LRP1B: variants seen among roughly 807,000 people sequenced by gnomAD.
LRP1B encodes LDL receptor related protein 1B, also known as low-density lipoprotein receptor-related protein 1B.
Under a neutral mutation model 556.6 loss-of-function variants are expected in LRP1B, and 217 were observed. The observed-to-expected ratio is 0.39, with a 90% CI of 0.35 to 0.44. LRP1B has a LOEUF of 0.44. Ranked by LOEUF, LRP1B falls within the 20% of genes least tolerant of loss-of-function variation. LRP1B has a pLI of 1.00. For synonymous variants in LRP1B, 2,047 were observed against 1,865.8 expected, an observed-to-expected ratio of 1.10 and a Z score of -2.50; for missense variants, 5,053 against 5,620.8, an observed-to-expected ratio of 0.90 and a Z score of 3.23.
At chr2:140,768,052 T>C (rs1455809287) in intron 35 of LRP1B, among the ~76,000 whole-genome samples, 1 of 151,958 alleles carries the variant, frequency 6.6e-6, no homozygotes, top group East Asian at 1.9e-4. Context: ...CACTGAGATT[T>C]TGGCAAAATT....
At chr2:142,110,255 G>A (rs1417066580) in intron 1 of LRP1B, among the ~76,000 whole-genome samples, 2 of 151,970 alleles carry the variant, frequency 1.3e-5, no homozygotes, top group Non-Finnish European at 2.9e-5. Flanking sequence ...CTCCATACCT[G>A]TTTATTTATA....
intron 60 of LRP1B, among the ~76,000 whole-genome samples, chr2:140,474,280 T>C (rs774812860): frequency 6.6e-6 from 1 of 152,036 alleles, no homozygotes; most frequent in East Asian, 1.9e-4. Flanking sequence ...TGGCAGAGTA[T>C]TACTCGATGA....
intron 87 of LRP1B, among the ~76,000 whole-genome samples, chr2:140,243,604 A>G (rs988222679): frequency 6.6e-6 from 1 of 151,166 alleles, no homozygotes; most frequent in African/African-American, 2.4e-5. Flanking sequence ...GCATTTTGGT[A>G]CATTGTAATG....
At chr2:142,074,862 A>T (rs1327455586) in intron 1 of LRP1B, among the ~76,000 whole-genome samples, 4 of 152,098 alleles carry the variant, frequency 2.6e-5, no homozygotes, top group Non-Finnish European at 5.9e-5. Flanking sequence ...AGACCATGGA[A>T]ATGACCTTCT....
At chr2:142,104,851 T>C (rs1260610371) in intron 1 of LRP1B, among the ~76,000 whole-genome samples, 1 of 152,200 alleles carries the variant, frequency 6.6e-6, no homozygotes, top group African/African-American at 2.4e-5. Flanking sequence ...ATATTGTCTT[T>C]ACCTATCAGA....
intron 43 of LRP1B, among the ~76,000 whole-genome samples, chr2:140,560,336 C>G (rs927782339): frequency 6.6e-6 from 1 of 152,088 alleles, no homozygotes; most frequent in African/African-American, 2.4e-5. Context: ...TTTATTAATA[C>G]AGTTGCAGAA....
At chr2:141,122,684 C>A (rs1305142654) in intron 7 of LRP1B, among the ~76,000 whole-genome samples, 8 of 152,150 alleles carry the variant, frequency 5.3e-5, no homozygotes, top group African/African-American at 1.9e-4. Context: ...TTGTGGAAGA[C>A]AGTGTGGCGA....
At chr2:140,829,829 A>G (rs1171430402) in intron 31 of LRP1B, among the ~76,000 whole-genome samples, 2 of 152,018 alleles carry the variant, frequency 1.3e-5, no homozygotes, top group African/African-American at 4.8e-5. Flanking sequence ...TAAATGACAT[A>G]AAAAGCTATT....
chr2:142,037,794 C>T (rs944030316), intron 1 of LRP1B, among the ~76,000 whole-genome samples: 8 of 151,000 alleles, frequency 5.3e-5, no homozygotes, highest in African/African-American at 7.2e-5. Flanking sequence ...TACATTATTA[C>T]CCTAAACATT....
intron 1 of LRP1B, among the ~76,000 whole-genome samples, chr2:142,100,998 A>G (rs965119610): frequency 1.3e-5 from 2 of 151,910 alleles, no homozygotes; most frequent in Non-Finnish European, 2.9e-5. Flanking sequence ...CAATCAAATA[A>G]ATCATATCGC....
chr2:141,472,629 C>G (rs1358906703), intron 3 of LRP1B, among the ~76,000 whole-genome samples: 1 of 152,162 alleles, frequency 6.6e-6, no homozygotes, highest in African/African-American at 2.4e-5. Flanking sequence ...CACCAGGAAT[C>G]TCACTACAGA....
chr2:141,712,668 CT>C (rs1692405020), intron 2 of LRP1B, among the ~76,000 whole-genome samples: 1 of 151,274 alleles, frequency 6.6e-6, no homozygotes, highest in African/African-American at 2.4e-5. Flanking sequence ...ATTATCTGTC[CT>C]TTTTTTTCTT....
At chr2:140,973,016 C>A (rs1696479384) in intron 18 of LRP1B, among the ~76,000 whole-genome samples, 1 of 142,438 alleles carries the variant, frequency 7.0e-6, no homozygotes, top group Admixed American at 7.2e-5. Flanking sequence ...ATGTTTAGGG[C>A]ATTTTCATAT....
At position 140,769,234 on chromosome 2, in the gene LRP1B, C is replaced by A. The variant is rs146520108; in HGVS notation, c.5737G>T (p.Val1913Leu). The change falls in exon 35 of 91, where the codon GTG becomes TTG. Residue 1913 changes from valine (V) to leucine (L), a missense_variant. Coordinates refer to ENST00000389484, the MANE Select transcript of LRP1B (RefSeq NM_018557.3). Reference sequence around the variant, plus strand: ...TTACCTGCATGGAAATCTATTCCCACGGCAAATGAAGTTCCTGATATAGGC... The same window carrying A: ...TTACCTGCATGGAAATCTATTCCCAAGGCAAATGAAGTTCCTGATATAGGC... ...LMPISGTSFAVGIDFHAENDT... is the reference protein window; with the variant it reads ...LMPISGTSFALGIDFHAENDT... The A allele has an allele frequency of 5.0e-6, 8 of 1,611,740 alleles. No individual in the cohort carries two copies. Among genetic ancestry groups the A allele is most frequent in the Non-Finnish European group, 5.9e-6 (7 of 1,178,482 alleles).
chr2:141,358,167 T>C (rs1469355694), intron 3 of LRP1B, among the ~76,000 whole-genome samples: 1 of 152,174 alleles, frequency 6.6e-6, no homozygotes, highest in Non-Finnish European at 1.5e-5. Context: ...CTCCAAAATA[T>C]GCAGAGTTAG....
intron 7 of LRP1B, among the ~76,000 whole-genome samples, chr2:141,120,290 A>C (rs912699683): frequency 2.0e-5 from 3 of 151,952 alleles, no homozygotes; most frequent in Admixed American, 6.6e-5. Context: ...TTGAGAATTT[A>C]ATAGAAAAGG....
At chr2:140,508,085 T>C (rs557892409) in intron 52 of LRP1B, among the ~76,000 whole-genome samples, 2 of 152,170 alleles carry the variant, frequency 1.3e-5, no homozygotes, top group Non-Finnish European at 2.9e-5. Flanking sequence ...TTGTGGGAAT[T>C]CAATAATGCA....
At chr2:141,169,242 T>C (rs1290169687) in intron 7 of LRP1B, among the ~76,000 whole-genome samples, 2 of 151,020 alleles carry the variant, frequency 1.3e-5, no homozygotes, top group African/African-American at 4.9e-5. Context: ...GCCGAGATCA[T>C]ACCATTGCAT....
rs138944994 is a variant in LRP1B at position 140,853,243 on chromosome 2, C to T, written c.4580-1460G>A. ...GCCCTGAGGAAAGGAATATCCTTGT[C>T]TCTGAAGACACAGGGACACAGAAAA... On this transcript the variant is annotated intron_variant, in intron 27 of 90. Transcript: ENST00000389484. Among the ~76,000 whole-genome samples the T allele has an allele frequency of 2.6e-3, 399 of 152,254 alleles. 1 individual carries two copies. The highest frequency in any genetic ancestry group is 9.1e-3 in the African/African-American group (380 of 41,544).
Sources: allele counts gnomAD v4.1 joint callset (sites outside exome capture counted in the v4.1 genomes callset), GRCh38; gene constraint gnomAD v4.1.1; transcripts MANE v1.5; gene names NCBI Gene and HGNC (gene_info 2026-07-23, HGNC 2026-07-21).